RXFP2: variants seen among roughly 807,000 people sequenced by gnomAD.
RXFP2 encodes relaxin family peptide receptor 2.
RXFP2 carries 68 observed loss-of-function variants against 88.6 expected under a neutral mutation model. That is an observed-to-expected ratio of 0.77 (90% confidence interval 0.63 to 0.94). The LOEUF is 0.94. Ranked by LOEUF, RXFP2 falls within the 40% of genes least tolerant of loss-of-function variation. The pLI, the probability that RXFP2 is intolerant of heterozygous loss-of-function variation, is 0.00. For synonymous variants in RXFP2, 329 were observed against 306.8 expected (o/e 1.07, Z -0.76); for missense variants, 791 against 893.9 (o/e 0.88, Z 1.47).
rs367651871 is a variant in RXFP2 at position 31,781,722 on chromosome 13, G to A, written c.837G>A (p.Ser279=). The stretch of plus-strand genomic sequence containing the variant: ...ATCTCACAAATTCTACGTTTCTGTC[G>A]TGCGATTCGCTCACAGTGCTGTAAG... The part of the protein sequence containing the change: ...IKYLTNSTFL[S]CDSLTVLFLP... The change falls in exon 10 of 18, where the codon TCG becomes TCA. Residue 279 remains serine (S), a synonymous_variant. Coordinates refer to ENST00000298386, the MANE Select transcript of RXFP2 (RefSeq NM_130806.5). 5.7e-5 allele frequency: 92 copies of A among 1,611,660 alleles called. No individual in the cohort carries two copies. The highest frequency in any genetic ancestry group is 6.8e-5 in the Non-Finnish European group (80 of 1,178,410).
intron 5 of RXFP2, among the ~76,000 whole-genome samples, chr13:31,768,864 C>T (rs1225217465): frequency 1.3e-5 from 2 of 152,144 alleles, no homozygotes; most frequent in African/African-American, 2.4e-5. Flanking sequence ...CTACTCTTAC[C>T]TTTTTCTTCC....
intron 11 of RXFP2, among the ~76,000 whole-genome samples, chr13:31,783,796 TTTTG>T (rs140127444): frequency 0.6 from 90,030 of 150,308 alleles, 27,118 homozygotes; most frequent in East Asian, 0.76. Context: ...CAGAGGGGTT[TTTTG>T]TTTGTTTGTT....
intron 1 of RXFP2, among the ~76,000 whole-genome samples, chr13:31,741,513 G>A (rs1459621613): frequency 6.6e-6 from 1 of 152,062 alleles, no homozygotes; most frequent in Non-Finnish European, 1.5e-5. Flanking sequence ...ACCAAAGAAA[G>A]CTCATTTAGA....
At chr13:31,770,906 G>A (rs561281485) in intron 5 of RXFP2, among the ~76,000 whole-genome samples, 2 of 152,278 alleles carry the variant, frequency 1.3e-5, no homozygotes, top group South Asian at 2.1e-4. Context: ...CTGAATGAAC[G>A]ATGGGTAGCA....
In RXFP2 at chr13:31,792,844, C is replaced by G. The variant is rs149087967; in HGVS notation, c.1542C>G (p.Thr514=). 1.1e-4 allele frequency: 170 copies of G among 1,614,180 alleles called. 5 individuals carry two copies. The South Asian group carries it at 1.3e-3, about 13-fold the overall frequency. The change falls in exon 16 of 18, where the codon ACC becomes ACG. Residue 514 remains threonine, a synonymous_variant. Coordinates refer to ENST00000298386, the MANE Select transcript of RXFP2 (RefSeq NM_130806.5). ...CCGAAGTCTCTGTTCTGCTACTGAC[C>G]TACTTGACTTTGGAGAAGTTCCTGG... ...LSTEVSVLLL[T]YLTLEKFLVI...
In RXFP2 at chr13:31,784,074, G is replaced by A. The variant is rs182498464; in HGVS notation, c.929+1327G>A. 2.3e-3 allele frequency among the ~76,000 whole-genome samples: 347 copies of A among 148,894 alleles called. 2 individuals carry two copies. The highest frequency in any genetic ancestry group is 6.4e-3 in the African/African-American group (259 of 40,350). On this transcript the variant is annotated intron_variant, in intron 11 of 17. Transcript: ENST00000298386. ...ACTCCTGGCCTCAAGTGATCCACCC[G>A]CCTCAGCCTCCCAAAATGCTGGGAT...
chr13:31,740,436 T>C (rs1454451415), intron 1 of RXFP2, among the ~76,000 whole-genome samples: 1 of 152,072 alleles, frequency 6.6e-6, no homozygotes, highest in Non-Finnish European at 1.5e-5. Context: ...GGGTTTATTA[T>C]TATTCAAAAA....
chr13:31,778,736 G>A (rs1372492380), intron 9 of RXFP2, among the ~76,000 whole-genome samples, 153 bp downstream of exon 9: 2 of 152,080 alleles, frequency 1.3e-5, no homozygotes, highest in Non-Finnish European at 2.9e-5. Flanking sequence ...AATTATTTGA[G>A]GGTTCCCAAA....
intron 1 of RXFP2, among the ~76,000 whole-genome samples, chr13:31,750,664 C>G (rs1003719975): frequency 5.9e-5 from 9 of 152,050 alleles, no homozygotes; most frequent in Admixed American, 5.9e-4. Context: ...AGTTTTTAAC[C>G]TGGGGACAAA....
At chr13:31,791,151 C>G (rs571334362) in intron 14 of RXFP2, among the ~76,000 whole-genome samples, 1 of 152,338 alleles carries the variant, frequency 6.6e-6, no homozygotes, top group African/African-American at 2.4e-5. Flanking sequence ...GATGACCTCA[C>G]CCATTCCAGC....
chr13:31,776,077 T>TTTCC (rs1338614809), intron 7 of RXFP2, among the ~76,000 whole-genome samples: 7,371 of 109,234 alleles, frequency 0.067, 208 homozygotes, highest in Middle Eastern at 0.15. Flanking sequence ...TCTTTCTTTC[T>TTTCC]TTCCTTCCTT....
Position 31,782,752 on chromosome 13 carries a change from G to A in RXFP2, c.929+5G>A. ...ATTAAAAAATTTAGGAGAACTGTAA[G>A]TAGCATCGTCTACTAGGAAAATATG... is the stretch of plus-strand genomic sequence containing the variant. On this transcript the variant is annotated splice_donor_5th_base_variant and intron_variant, in intron 11 of 17. Transcript: ENST00000298386. The A allele has an allele frequency of 1.3e-6, 2 of 1,539,752 alleles. No homozygotes were observed. Among genetic ancestry groups the A allele is most frequent in the Non-Finnish European group, 1.8e-6 (2 of 1,112,514 alleles).
chr13:31,754,436 C>G (rs1871832292), intron 1 of RXFP2, among the ~76,000 whole-genome samples: 1 of 151,984 alleles, frequency 6.6e-6, no homozygotes, highest in South Asian at 2.1e-4. Context: ...GAGGATGAGA[C>G]AGGAGAATTG....
intron 1 of RXFP2, among the ~76,000 whole-genome samples, chr13:31,753,936 T>C (rs1871795834): frequency 1.3e-5 from 2 of 152,160 alleles, no homozygotes; most frequent in Admixed American, 1.3e-4. Context: ...GGGAATACAT[T>C]GTATTCATTT....
At chr13:31,762,719 C>T (rs1872359149) in intron 3 of RXFP2, among the ~76,000 whole-genome samples, 1 of 151,834 alleles carries the variant, frequency 6.6e-6, no homozygotes, top group Non-Finnish European at 1.5e-5. Context: ...TTATAATTAC[C>T]ACTTATATAT....
In RXFP2 at chr13:31,764,465, C is replaced by T. The variant is rs187109924; in HGVS notation, c.320-572C>T. Among the ~76,000 whole-genome samples the T allele has an allele frequency of 1.1e-3, 165 of 152,236 alleles. 1 individual carries two copies. Among genetic ancestry groups the T allele is most frequent in the Non-Finnish European group, 9.0e-4 (61 of 68,020 alleles). Reference sequence around the variant, plus strand: ...GTTATTTCAGCTTTGCAGCTTTTTACCTTCAACTTTCAACCTCATAGTAAT... The same window carrying T: ...GTTATTTCAGCTTTGCAGCTTTTTATCTTCAACTTTCAACCTCATAGTAAT... On this transcript the variant is annotated intron_variant, in intron 3 of 17. Transcript: ENST00000298386.
chr13:31,774,466 A>G (rs112165488), intron 5 of RXFP2, among the ~76,000 whole-genome samples, 154 bp from the exon 6 acceptor site: 404 of 152,316 alleles, frequency 2.7e-3, no homozygotes, highest in Non-Finnish European at 4.2e-3. Flanking sequence ...GTTGGTAGCC[A>G]TTTCTCACTG....
intron 4 of RXFP2, among the ~76,000 whole-genome samples, chr13:31,765,517 A>G (rs1872515747): frequency 6.6e-6 from 1 of 152,112 alleles, no homozygotes; most frequent in Admixed American, 6.6e-5. Context: ...CTGCAAAGAT[A>G]TAAAAGATCC....
Position 31,792,699 on chromosome 13 carries a change from T to C in RXFP2, c.1397T>C (p.Val466Ala). Reference protein sequence around the residue: ...ILCCADCLMGVYLFFVGIFDI... With the variant: ...ILCCADCLMGAYLFFVGIFDI... ...ACAGGTGCTGATTGCCTGATGGGTG[T>C]TTACTTGTTCTTTGTTGGCATTTTC... is the stretch of plus-strand genomic sequence containing the variant. Residue 466 changes from valine to alanine, a missense_variant, in exon 16 of 18, where the codon GTT becomes GCT. Val to Ala is a moderately conservative substitution (Grantham distance 64). Coordinates refer to ENST00000298386, the MANE Select transcript of RXFP2 (RefSeq NM_130806.5). 1 of 1,614,138 alleles carries C rather than the reference T, an allele frequency of 6.2e-7. No homozygotes were observed. The highest frequency in any genetic ancestry group is 2.2e-5 in the East Asian group (1 of 44,878).
Sources: gnomAD v4.1 joint callset for allele counts (sites outside exome capture counted in the v4.1 genomes callset) on GRCh38, gnomAD v4.1.1 for gene constraint, MANE v1.5 for transcripts, NCBI Gene and HGNC (gene_info 2026-07-23, HGNC 2026-07-21) for gene names.